Variants in ABCA4 observed in about 807,000 individuals in gnomAD.
The protein encoded by ABCA4 is ATP binding cassette subfamily A member 4, also known as retinal-specific phospholipid-transporting ATPase ABCA4.
In ABCA4, 196 loss-of-function variants were observed where a neutral mutation model predicts 263.7. The ratio of observed to expected loss-of-function variants is 0.74; its 90% CI spans 0.66 to 0.84. ABCA4 has a LOEUF of 0.84. Among genes scored for constraint, ABCA4 ranks in the 40% least tolerant of loss-of-function variants. The pLI, the probability that ABCA4 is intolerant of heterozygous loss-of-function variation, is 0.00. For synonymous variants in ABCA4, 1,133 were observed against 1,094.2 expected, an observed-to-expected ratio of 1.04 and a Z score of -0.70; for missense variants, 2,792 against 2,855.1, an observed-to-expected ratio of 0.98 and a Z score of 0.50.
chr1:94,048,740 TTG>T, intron 18 of ABCA4, 126 bp downstream of exon 18: 1 of 875,450 alleles, frequency 1.1e-6, no homozygotes, highest in East Asian at 2.6e-5. Context: ...GGTTTAACAC[TTG>T]TCCACAGAGA....
chr1:94,040,302 A>T (rs1308424177), intron 23 of ABCA4, among the ~76,000 whole-genome samples, 175 bp from the exon 24 acceptor site: 3 of 152,198 alleles, frequency 2.0e-5, no homozygotes, highest in Non-Finnish European at 4.4e-5. Context: ...TTGAGGGTGT[A>T]GTCGCTTGAT....
chr1:94,024,565 T>A (rs1167308390), intron 31 of ABCA4, among the ~76,000 whole-genome samples: 9 of 152,184 alleles, frequency 5.9e-5, no homozygotes, highest in Middle Eastern at 3.2e-3. Context: ...TTTCTCTTTT[T>A]CTTCTACCTT....
chr1:94,014,450 T>A, intron 38 of ABCA4, 93 bp downstream of exon 38: 1 of 1,433,182 alleles, frequency 7.0e-7, no homozygotes, highest in East Asian at 2.3e-5. Flanking sequence ...ATACAGCTGC[T>A]ACATGTACGA....
At chr1:94,014,885 G>A (rs1659681696) in intron 37 of ABCA4, among the ~76,000 whole-genome samples, 195 bp from the exon 38 acceptor site, 1 of 152,196 alleles carries the variant, frequency 6.6e-6, no homozygotes, top group East Asian at 1.9e-4. Context: ...TGCCTGCCTT[G>A]ACCACTTCAT....
chr1:94,060,436 C>T (rs553627995), intron 14 of ABCA4, 101 bp downstream of exon 14: 1 of 1,131,574 alleles, frequency 8.8e-7, no homozygotes. Context: ...ATGTCACGCT[C>T]TCCTTGGTGG....
In ABCA4 at chr1:94,019,575, CACTT is replaced by C. The variant is rs61753023; in HGVS notation, c.5196+3_5196+6del. On this transcript the variant is annotated splice_donor_5th_base_variant and intron_variant, in intron 36 of 49. Coordinates refer to ENST00000370225, the MANE Select transcript of ABCA4 (RefSeq NM_000350.3). ...AGGGGAGGGAGGCGCTGTAAACTGA[CACTT>C]ACGATGTCCCAGAGGAAGTTGGTCA... 2.5e-6 allele frequency: 4 copies of C among 1,598,702 alleles called. No homozygotes were observed. The highest frequency in any genetic ancestry group is 3.4e-6 in the Non-Finnish European group (4 of 1,172,104).
chr1:94,084,743 T>A (rs1661788035), intron 6 of ABCA4, among the ~76,000 whole-genome samples: 1 of 152,236 alleles, frequency 6.6e-6, no homozygotes, highest in Admixed American at 6.5e-5. Context: ...CTCTTTGACC[T>A]GAGCACTGGA....
At chr1:94,097,734 G>GT (rs1165921193) in intron 6 of ABCA4, among the ~76,000 whole-genome samples, 3 of 151,984 alleles carry the variant, frequency 2.0e-5, no homozygotes, top group Non-Finnish European at 2.9e-5. Flanking sequence ...TCTCTGATGG[G>GT]TTTTTTTGGT....
chr1:94,052,762 T>G (rs1660873308), intron 16 of ABCA4, among the ~76,000 whole-genome samples: 1 of 152,222 alleles, frequency 6.6e-6, no homozygotes, highest in South Asian at 2.1e-4. Flanking sequence ...TAACACAAAA[T>G]ATACTTGGTC....
chr1:94,059,376 T>C (rs1220604418), intron 14 of ABCA4: 1 of 152,234 alleles, frequency 6.6e-6, no homozygotes, highest in African/African-American at 2.4e-5. Flanking sequence ...GAATGACCTC[T>C]ACCTTAGCAT....
At chr1:94,050,288 A>G (rs375360462) in intron 17 of ABCA4, among the ~76,000 whole-genome samples, 1 of 151,454 alleles carries the variant, frequency 6.6e-6, no homozygotes, top group African/African-American at 2.4e-5. Flanking sequence ...GAGTTTAATC[A>G]CTGGAATGAG....
Position 94,109,985 on chromosome 1 carries a change from A to G in ABCA4, c.303-1269T>C, listed in dbSNP as rs563329383. Among the ~76,000 whole-genome samples the G allele has an allele frequency of 1.4e-4, 22 of 152,198 alleles. 1 individual carries two copies. The highest frequency in any genetic ancestry group is 4.6e-4 in the Admixed American group (7 of 15,292). On this transcript the variant is annotated intron_variant, in intron 3 of 49. Coordinates refer to ENST00000370225, the MANE Select transcript of ABCA4 (RefSeq NM_000350.3). ...CCCTCAGTTTTCCGCAATAACATCT[A>G]TAGACACTGCCAGGGCCGTTCCCAC...
rs1213557284 is a variant in ABCA4, at chr1:94,016,823, CA to C, written c.5197-970del. On this transcript the variant is annotated intron_variant, in intron 36 of 49. Transcript: ENST00000370225. ...CTCCAGAGGCAATGAACATATCTAG[CA>C]CTCAGACCTTGGCTTCTGAGGGCCA... 8.5e-5 allele frequency among the ~76,000 whole-genome samples: 13 copies of C among 152,314 alleles called. No homozygotes were observed. The East Asian group carries it at 2.5e-3, about 29-fold the overall frequency.
At position 94,015,758 on chromosome 1, in the gene ABCA4, C is replaced by T; in HGVS notation, c.5293G>A (p.Ala1765Thr). 1 of 1,613,740 alleles carries T rather than the reference C, an allele frequency of 6.2e-7. No individual in the cohort carries two copies. The highest frequency in any genetic ancestry group is 8.5e-7 in the Non-Finnish European group (1 of 1,179,932). ...TSPENLPALV[A>T]LLLLYGWAVI... ...GCTTACCCATACAGCAGGAGCAGTG[C>T]CACAAGGGCAGGAAGGTTTTCTGGA... Residue 1765 changes from alanine (A) to threonine (T), a missense_variant, in exon 37 of 50, where the codon GCA becomes ACA. Coordinates refer to ENST00000370225, the MANE Select transcript of ABCA4 (RefSeq NM_000350.3).
At chr1:94,004,161 G>A (rs926948113) in intron 44 of ABCA4, among the ~76,000 whole-genome samples, 2 of 152,104 alleles carry the variant, frequency 1.3e-5, no homozygotes, top group Non-Finnish European at 2.9e-5. Context: ...ATACACACAT[G>A]CAAATATATG....
intron 31 of ABCA4, among the ~76,000 whole-genome samples, chr1:94,023,873 A>G (rs1340816427): frequency 6.6e-6 from 1 of 152,186 alleles, no homozygotes; most frequent in Non-Finnish European, 1.5e-5. Flanking sequence ...TCAGTCAATC[A>G]AGGGTAAAAT....
At chr1:94,103,340 C>T (rs1474936937) in intron 4 of ABCA4, among the ~76,000 whole-genome samples, 198 bp from the exon 5 acceptor site, 1 of 152,052 alleles carries the variant, frequency 6.6e-6, no homozygotes, top group African/African-American at 2.4e-5. Context: ...AGCAGCTGGG[C>T]CCAATTTAGT....
Position 94,011,404 on chromosome 1 carries a change from A to T in ABCA4, c.5461-19T>A. The T allele has an allele frequency of 6.2e-7, 1 of 1,611,858 alleles. No individual in the cohort carries two copies. On this transcript the variant is annotated intron_variant, in intron 38 of 49. Transcript: ENST00000370225. The stretch of plus-strand genomic sequence containing the variant: ...GCAGCGTCTGAAACAGAGAAGTAGG[A>T]CTGTTGGAAACGGGGCAAACCCCAC...
At position 94,078,586 on chromosome 1, in the gene ABCA4, T is replaced by A. The variant is rs1230411461; in HGVS notation, c.1356+4A>T. The A allele has an allele frequency of 3.4e-4, 103 of 304,348 alleles. No individual in the cohort carries two copies. The highest frequency in any genetic ancestry group is 5.5e-4 in the Non-Finnish European group (96 of 174,608). 18.9% of individuals were successfully genotyped at this position (304,348 alleles called of 1,614,324 possible). ...TCCCCTCCCCATCCTCCAACCCCCC[T>A]TACTCTGATCATGTTCATCTGTGTG... is the stretch of plus-strand genomic sequence containing the variant. On this transcript the variant is annotated splice_donor_region_variant and intron_variant, in intron 10 of 49. Transcript: ENST00000370225.
Sources: allele counts gnomAD v4.1 joint callset (sites outside exome capture counted in the v4.1 genomes callset), GRCh38; gene constraint gnomAD v4.1.1; transcripts MANE v1.5; gene names NCBI Gene and HGNC (gene_info 2026-07-23, HGNC 2026-07-21).